Variants in ASZ1 observed in about 807,000 individuals in gnomAD.
ASZ1 encodes ankyrin repeat, SAM and basic leucine zipper domain-containing protein 1.
Under a neutral mutation model 61.8 loss-of-function variants are expected in ASZ1, and 67 were observed. The ratio of observed to expected loss-of-function variants is 1.08; its 90% CI spans 0.89 to 1.33. The LOEUF is 1.33. ASZ1 is among the 40% of genes most tolerant of loss of function. The pLI is 0.00. For missense variants in ASZ1, 577 were observed against 554.5 expected (o/e 1.04, Z -0.41); for synonymous variants, 193 against 192.7 (o/e 1.00, Z -0.01).
chr7:117,382,901 T>G (rs145217294), intron 7 of ASZ1, 85 bp downstream of exon 7: 2 of 1,307,038 alleles, frequency 1.5e-6, no homozygotes, highest in Non-Finnish European at 2.0e-6. Context: ...TCATATATTT[T>G]AAATAAGTCA....
At chr7:117,369,582 A>G (rs1796010661) in intron 10 of ASZ1, among the ~76,000 whole-genome samples, 1 of 152,196 alleles carries the variant, frequency 6.6e-6, no homozygotes, top group African/African-American at 2.4e-5. Context: ...GAAAACTTAA[A>G]CTAAGGATCT....
chr7:117,425,819 G>A (rs969048288), intron 2 of ASZ1, among the ~76,000 whole-genome samples: 3 of 151,476 alleles, frequency 2.0e-5, no homozygotes, highest in Admixed American at 6.6e-5. Flanking sequence ...TGAAACCCCC[G>A]TGTCTACTAA....
At chr7:117,398,295 CTA>C (rs1368314466) in intron 4 of ASZ1, among the ~76,000 whole-genome samples, 2 of 152,226 alleles carry the variant, frequency 1.3e-5, no homozygotes, top group Non-Finnish European at 2.9e-5. Flanking sequence ...TCCCATAACA[CTA>C]TCACAATTAT....
chr7:117,422,174 A>C lies in ASZ1; in HGVS notation c.328+63T>G, dbSNP rs898552560. On this transcript the variant is annotated intron_variant, in intron 3 of 12. Coordinates refer to ENST00000284629, the MANE Select transcript of ASZ1 (RefSeq NM_130768.3). Reference sequence around the variant, plus strand: ...TTTAGTTTTTTGCACTTTATATAATAGCTACTTGGAAACCAAGGAATCACA... The same window carrying C: ...TTTAGTTTTTTGCACTTTATATAATCGCTACTTGGAAACCAAGGAATCACA... 5 of 1,551,608 alleles carry C rather than the reference A, an allele frequency of 3.2e-6. No individual in the cohort carries two copies. In the South Asian group the frequency reaches 4.9e-5, roughly 15 times the overall value.
chr7:117,414,991 T>C (rs1796963022), intron 4 of ASZ1, among the ~76,000 whole-genome samples: 1 of 152,218 alleles, frequency 6.6e-6, no homozygotes, highest in African/African-American at 2.4e-5. Flanking sequence ...CCTTTGAGTA[T>C]ATACCTAGTA....
chr7:117,409,895 C>T (rs1038636006), intron 4 of ASZ1, among the ~76,000 whole-genome samples: 3 of 151,604 alleles, frequency 2.0e-5, no homozygotes, highest in South Asian at 2.1e-4. Context: ...GGATGAGGAC[C>T]ATATTTCTGA....
intron 4 of ASZ1, among the ~76,000 whole-genome samples, chr7:117,409,043 T>C (rs1232687590): frequency 3.9e-5 from 6 of 152,024 alleles, no homozygotes; most frequent in African/African-American, 7.2e-5. Flanking sequence ...GATGATTATA[T>C]ACACACGCAC....
intron 9 of ASZ1, 114 bp from the exon 10 acceptor site, chr7:117,380,161 T>C (rs997251265): frequency 2.5e-5 from 17 of 668,926 alleles, no homozygotes; most frequent in Admixed American, 2.4e-4. Context: ...AATAGGCATA[T>C]ATTGGAAAAA....
chr7:117,389,900 G>A (rs1796430589), intron 4 of ASZ1, among the ~76,000 whole-genome samples: 1 of 152,196 alleles, frequency 6.6e-6, no homozygotes, highest in South Asian at 2.1e-4. Flanking sequence ...ACTTGAGCAA[G>A]TTACCTATTG....
At chr7:117,414,356 A>T (rs1796949763) in intron 4 of ASZ1, among the ~76,000 whole-genome samples, 1 of 152,222 alleles carries the variant, frequency 6.6e-6, no homozygotes, top group Non-Finnish European at 1.5e-5. Flanking sequence ...AGTATTAGCA[A>T]ATTTAAATGT....
chr7:117,426,298 G>A (rs1277719286), intron 2 of ASZ1, among the ~76,000 whole-genome samples: 10 of 149,570 alleles, frequency 6.7e-5, no homozygotes, highest in South Asian at 4.3e-4. Context: ...TGGCTAACAC[G>A]GTGAAACCCT....
At chr7:117,386,779 C>G (rs1480330234) in intron 4 of ASZ1, among the ~76,000 whole-genome samples, 1 of 152,150 alleles carries the variant, frequency 6.6e-6, no homozygotes, top group Non-Finnish European at 1.5e-5. Context: ...ACCCTGAAAT[C>G]TGAACACTTC....
chr7:117,409,031 T>C (rs1796843283), intron 4 of ASZ1, among the ~76,000 whole-genome samples: 1 of 152,032 alleles, frequency 6.6e-6, no homozygotes, highest in African/African-American at 2.4e-5. Context: ...ATAATGTTTA[T>C]GGATGATTAT....
chr7:117,388,182 A>G (rs1796396206), intron 4 of ASZ1, among the ~76,000 whole-genome samples: 1 of 152,188 alleles, frequency 6.6e-6, no homozygotes, highest in South Asian at 2.1e-4. Context: ...AATTTTCCAC[A>G]AAGAAAACAG....
chr7:117,423,982 G>C (rs1797150895), intron 2 of ASZ1, among the ~76,000 whole-genome samples: 1 of 151,848 alleles, frequency 6.6e-6, no homozygotes, highest in Non-Finnish European at 1.5e-5. Context: ...TCCAGGCATA[G>C]TGCAAAAAAA....
rs1230119491 is a variant in ASZ1, at chr7:117,423,670, CCT to C, written c.206-1313_206-1312del. Among the ~76,000 whole-genome samples the C allele has an allele frequency of 2.1e-5, 3 of 141,618 alleles. No individual in the cohort carries two copies. The East Asian group carries it at 6.4e-4, about 30-fold the overall frequency. The allele number at this position is 141,618 out of a possible 152,430, so 92.9% of individuals were successfully genotyped here. ...ACCATCTTGGCTAGCACAGTGAAAC[CCT>C]GTTTCTACTAAAAATACAAAAAAAA... On this transcript the variant is annotated intron_variant, in intron 2 of 12. Coordinates refer to ENST00000284629, the MANE Select transcript of ASZ1 (RefSeq NM_130768.3).
At chr7:117,403,979 T>C (rs535284260) in intron 4 of ASZ1, among the ~76,000 whole-genome samples, 4 of 152,264 alleles carry the variant, frequency 2.6e-5, no homozygotes, top group African/African-American at 9.6e-5. Context: ...CGCCTGACGA[T>C]CTGAGGTGAA....
At chr7:117,379,029 T>A (rs1177654383) in intron 10 of ASZ1, among the ~76,000 whole-genome samples, 1 of 150,618 alleles carries the variant, frequency 6.6e-6, no homozygotes, top group Non-Finnish European at 1.5e-5. Context: ...GGGGTTGGGA[T>A]GGGGAGAAGG....
chr7:117,425,587 A>G (rs953277262), intron 2 of ASZ1, among the ~76,000 whole-genome samples: 1 of 152,064 alleles, frequency 6.6e-6, no homozygotes, highest in East Asian at 2.0e-4. Flanking sequence ...AATCATTATA[A>G]TCAATAATTT....
Sources: allele counts gnomAD v4.1 joint callset (sites outside exome capture counted in the v4.1 genomes callset), GRCh38; gene constraint gnomAD v4.1.1; transcripts MANE v1.5; gene names NCBI Gene and HGNC (gene_info 2026-07-23, HGNC 2026-07-21).